Variants in MIER1 observed in about 807,000 individuals in gnomAD.
MIER1 encodes mesoderm induction early response protein 1.
In MIER1, 40 loss-of-function variants were observed where a neutral mutation model predicts 75.7. That is an observed-to-expected ratio of 0.53 (90% CI 0.41 to 0.69). MIER1 has a LOEUF of 0.69. Ranked by LOEUF, MIER1 falls within the 30% of genes least tolerant of loss-of-function variation. MIER1 has a pLI of 0.00. For missense variants in MIER1, 574 were observed against 680.2 expected, an observed-to-expected ratio of 0.84 and a Z score of 1.74; for synonymous variants, 213 against 223.4, an observed-to-expected ratio of 0.95 and a Z score of 0.42.
chr1:66,974,765 C>CT (rs1344681327), intron 11 of MIER1, among the ~76,000 whole-genome samples: 2 of 152,064 alleles, frequency 1.3e-5, no homozygotes, highest in Non-Finnish European at 2.9e-5. Flanking sequence ...GACAGTAATT[C>CT]TTTAAAAGGG....
intron 8 of MIER1, among the ~76,000 whole-genome samples, chr1:66,970,553 C>T (rs570874309): frequency 6.6e-6 from 1 of 152,206 alleles, no homozygotes; most frequent in South Asian, 2.1e-4. Flanking sequence ...ACCAAGAGAG[C>T]TTGGAATTTG....
chr1:66,967,312 G>A (rs1208841518), intron 8 of MIER1, among the ~76,000 whole-genome samples: 1 of 152,174 alleles, frequency 6.6e-6, no homozygotes, highest in African/African-American at 2.4e-5. Flanking sequence ...TGAGTTCACT[G>A]TAGGTATGTG....
chr1:66,985,110 T>A lies in MIER1; in HGVS notation c.*210T>A. 8.2e-7 allele frequency: 1 copy of A among 1,223,350 alleles called. No homozygotes were observed. Among genetic ancestry groups the A allele is most frequent in the Non-Finnish European group, 1.0e-6 (1 of 972,572 alleles). The allele number at this position is 1,223,350 out of a possible 1,614,324, so 75.8% of individuals were successfully genotyped here. ...GACTCTTTTAAGGGTATTTTAAAAATTAGTAAATTTGAATGAACTAAAGAT... is the reference window on the plus strand; with the variant it reads ...GACTCTTTTAAGGGTATTTTAAAAAATAGTAAATTTGAATGAACTAAAGAT... On this transcript the variant is annotated 3_prime_UTR_variant, in exon 14 of 14. Coordinates refer to ENST00000401041, the MANE Select transcript of MIER1 (RefSeq NM_001077700.3).
chr1:66,941,695 G>T (rs1027695558), intron 3 of MIER1, among the ~76,000 whole-genome samples: 1 of 152,192 alleles, frequency 6.6e-6, no homozygotes, highest in African/African-American at 2.4e-5. Flanking sequence ...TGTTGGCCAG[G>T]TGCAGTGGCT....
chr1:66,946,796 T>G (rs1378209861), intron 4 of MIER1: 3 of 984,992 alleles, frequency 3.0e-6, no homozygotes, highest in Non-Finnish European at 3.6e-6. Flanking sequence ...TATATTCACT[T>G]TTCTCTCACT....
chr1:66,926,866 C>G (rs889871174), intron 2 of MIER1, among the ~76,000 whole-genome samples: 1 of 152,084 alleles, frequency 6.6e-6, no homozygotes, highest in Non-Finnish European at 1.5e-5. Flanking sequence ...ACAGTATTTT[C>G]TTGGTGCATT....
At chr1:66,936,069 G>A (rs887407206) in intron 2 of MIER1, among the ~76,000 whole-genome samples, 1 of 152,058 alleles carries the variant, frequency 6.6e-6, no homozygotes, top group African/African-American at 2.4e-5. Flanking sequence ...ATGATCTCCA[G>A]TGTGGTTGAC....
At chr1:66,955,961 A>G (rs776478698) in intron 4 of MIER1, among the ~76,000 whole-genome samples, 3 of 152,212 alleles carry the variant, frequency 2.0e-5, no homozygotes, top group African/African-American at 2.4e-5. Context: ...TTTGCAAATA[A>G]AGGTAGCAAG....
chr1:66,937,867 C>A (rs1655286027), intron 2 of MIER1, among the ~76,000 whole-genome samples: 1 of 152,050 alleles, frequency 6.6e-6, no homozygotes, highest in African/African-American at 2.4e-5. Flanking sequence ...TCAATCCTAC[C>A]CCCAAACATA....
intron 8 of MIER1, among the ~76,000 whole-genome samples, chr1:66,968,542 T>C (rs1022107666): frequency 3.9e-5 from 6 of 152,214 alleles, no homozygotes; most frequent in African/African-American, 1.4e-4. Flanking sequence ...GGAAACCTCC[T>C]TACCTAGTAT....
rs1330795176 is a variant in MIER1 at position 66,925,104 on chromosome 1, A to C, written c.67+9A>C. 3.9e-5 allele frequency: 61 copies of C among 1,545,836 alleles called. No individual in the cohort carries two copies. The highest frequency in any genetic ancestry group is 5.3e-5 in the Non-Finnish European group (61 of 1,145,454). On this transcript the variant is annotated intron_variant, in intron 1 of 13. Coordinates refer to ENST00000401041, the MANE Select transcript of MIER1 (RefSeq NM_001077700.3). ...CAGCAGCGGCAGCGGCTGTAAGTGC[A>C]GCCTCCACAAGCCATCTCTCCCCTT...
rs34540359 is a variant in MIER1, at chr1:66,934,572, C to CTT, written c.169-5443_169-5442dup. Among the ~76,000 whole-genome samples, 884 of 138,208 alleles carry CTT rather than the reference C, an allele frequency of 6.4e-3. 2 individuals are homozygous for CTT. The highest frequency in any genetic ancestry group is 0.017 in the South Asian group (74 of 4,370). 90.7% of individuals were successfully genotyped at this position (138,208 alleles called of 152,430 possible). On this transcript the variant is annotated intron_variant, in intron 2 of 13. Coordinates refer to ENST00000401041, the MANE Select transcript of MIER1 (RefSeq NM_001077700.3). ...TATAGGCATGTGCCATCATGCCCGG[C>CTT]TTTTTTTTTTTTTTGTGGAGACAGG...
intron 3 of MIER1, among the ~76,000 whole-genome samples, chr1:66,942,195 T>G (rs1427050973): frequency 6.6e-6 from 1 of 152,222 alleles, no homozygotes; most frequent in East Asian, 1.9e-4. Flanking sequence ...GAAATACTCA[T>G]GTAAAAAATT....
chr1:66,977,035 A>G (rs1664849810), intron 12 of MIER1, among the ~76,000 whole-genome samples: 1 of 152,194 alleles, frequency 6.6e-6, no homozygotes, highest in Non-Finnish European at 1.5e-5. Flanking sequence ...TTGAGAAGAA[A>G]TGGATCAGAA....
chr1:66,946,376 A>G, intron 4 of MIER1, 81 bp downstream of exon 4: 1 of 1,467,138 alleles, frequency 6.8e-7, no homozygotes, highest in South Asian at 1.5e-5. Flanking sequence ...TGATTCTCTG[A>G]TTAGGAGAGA....
At chr1:66,984,248 G>T (rs1161347846) in intron 13 of MIER1, among the ~76,000 whole-genome samples, 1 of 152,182 alleles carries the variant, frequency 6.6e-6, no homozygotes, top group African/African-American at 2.4e-5. Flanking sequence ...GTGCTTGTTT[G>T]CTGTCACATA....
At chr1:66,955,178 G>C (rs990286364) in intron 4 of MIER1, among the ~76,000 whole-genome samples, 2 of 151,938 alleles carry the variant, frequency 1.3e-5, no homozygotes, top group Admixed American at 1.3e-4. Context: ...AAATATTTGA[G>C]CTGGATATCA....
chr1:66,974,647 AAC>A lies in MIER1; in HGVS notation c.1101+1657_1101+1658del, dbSNP rs1218320232. Reference sequence around the variant, plus strand: ...CAAGTAACATAAGTATTAAAAGTATAACCTTGATTTCTCATAAATATTTGGGA... The same window carrying A: ...CAAGTAACATAAGTATTAAAAGTATACTTGATTTCTCATAAATATTTGGGA... On this transcript the variant is annotated intron_variant, in intron 11 of 13. Transcript: ENST00000401041. 2.6e-5 allele frequency among the ~76,000 whole-genome samples: 4 copies of A among 152,270 alleles called. No homozygotes were observed. The East Asian group carries it at 7.7e-4, about 29-fold the overall frequency.
intron 8 of MIER1, among the ~76,000 whole-genome samples, chr1:66,968,482 G>A (rs1049244368): frequency 7.3e-5 from 11 of 151,658 alleles, no homozygotes; most frequent in African/African-American, 2.7e-4. Flanking sequence ...TATCTTTATT[G>A]TAGGGATTAC....
Sources: gnomAD v4.1 joint callset for allele counts (sites outside exome capture counted in the v4.1 genomes callset) on GRCh38, gnomAD v4.1.1 for gene constraint, MANE v1.5 for transcripts, NCBI Gene and HGNC (gene_info 2026-07-23, HGNC 2026-07-21) for gene names.